The following LOXHD1 variants were observed in gnomAD, a reference collection of about 807,000 sequenced individuals.
The protein encoded by LOXHD1 is lipoxygenase homology PLAT domains 1.
Under a neutral mutation model 248.2 loss-of-function variants are expected in LOXHD1, and 205 were observed. That is an observed-to-expected ratio of 0.83 (90% confidence interval 0.74 to 0.93). LOXHD1 has a LOEUF of 0.93. LOXHD1 is among the 40% of genes least tolerant of loss of function. LOXHD1 has a pLI of 0.00. For missense variants in LOXHD1, 2,930 were observed against 2,971.6 expected, an observed-to-expected ratio of 0.99 and a Z score of 0.33; for synonymous variants, 1,113 against 1,162.8, an observed-to-expected ratio of 0.96 and a Z score of 0.87.
chr18:46,485,221 G>A (rs1401151526), intron 38 of LOXHD1, 70 bp from the exon 39 acceptor site: 3 of 1,511,550 alleles, frequency 2.0e-6, no homozygotes, highest in Non-Finnish European at 2.7e-6. Context: ...GGGAGCAAGA[G>A]GGTCACGGCC....
rs1287819211 is a variant in LOXHD1, at chr18:46,477,692, C to A, written c.6602G>T (p.Gly2201Val). 1.3e-6 allele frequency: 2 copies of A among 1,551,874 alleles called. No individual in the cohort carries two copies. Among genetic ancestry groups the A allele is most frequent in the Non-Finnish European group, 1.7e-6 (2 of 1,147,034 alleles). The change falls in exon 41 of 41, where the codon GGC (glycine) becomes GTC (valine). Residue 2201 changes from glycine (G) to valine (V), a missense_variant. Gly to Val is a moderately radical substitution (Grantham distance 109, BLOSUM62 -3). Coordinates refer to ENST00000642948, the MANE Select transcript of LOXHD1 (RefSeq NM_001384474.1). The part of the protein sequence containing the change: ...KQKMRNLFER[G>V]STDRFFLETL... ...CTCCAGGAAGAAGCGGTCTGTGCTG[C>A]CCCGCTCGAAGAGGTTGCGCATTTT...
chr18:46,614,458 C>G (rs1490091436), intron 5 of LOXHD1, among the ~76,000 whole-genome samples: 1 of 152,136 alleles, frequency 6.6e-6, no homozygotes, highest in Non-Finnish European at 1.5e-5. Flanking sequence ...TCTGAGCAAA[C>G]TATCGCAAGG....
At chr18:46,489,202 T>A in intron 37 of LOXHD1, 60 bp from the exon 38 acceptor site, 1 of 1,515,938 alleles carries the variant, frequency 6.6e-7, no homozygotes, top group South Asian at 1.2e-5. Flanking sequence ...CCTTTCAGAC[T>A]TCTACATCCC....
At chr18:46,581,941 A>G (rs759796416) in intron 12 of LOXHD1, among the ~76,000 whole-genome samples, 90 of 152,242 alleles carry the variant, frequency 5.9e-4, no homozygotes, top group Non-Finnish European at 1.9e-4. Context: ...TTAAATCCAC[A>G]AAAGCTACCT....
chr18:46,507,814 C>G (rs1262359990), intron 35 of LOXHD1, 102 bp from the exon 36 acceptor site: 1 of 1,278,388 alleles, frequency 7.8e-7, no homozygotes, highest in Admixed American at 2.4e-5. Flanking sequence ...CCCTGGAGAT[C>G]CCAGACCTGA....
At chr18:46,478,169 T>G (rs757933756) in intron 40 of LOXHD1, among the ~76,000 whole-genome samples, 4 of 152,184 alleles carry the variant, frequency 2.6e-5, no homozygotes, top group Non-Finnish European at 5.9e-5. Context: ...TGCTTCTTGA[T>G]TCTTCTACTT....
chr18:46,477,206 C>T (rs2032073405), downstream of LOXHD1: 2 of 724,160 alleles, frequency 2.8e-6, no homozygotes, highest in Admixed American at 4.0e-5. Context: ...GCAGCAAGTC[C>T]CAGCCTGGTC....
chr18:46,536,983 T>C (rs2036340975), intron 26 of LOXHD1, among the ~76,000 whole-genome samples: 1 of 152,212 alleles, frequency 6.6e-6, no homozygotes, highest in Non-Finnish European at 1.5e-5. Flanking sequence ...TTGCCATCTA[T>C]CCAAGTTACA....
intron 5 of LOXHD1, among the ~76,000 whole-genome samples, chr18:46,616,955 GTGTGT>G (rs1334971928): frequency 1.3e-5 from 2 of 152,238 alleles, no homozygotes; most frequent in Admixed American, 1.3e-4. Context: ...TAATCTTATT[GTGTGT>G]TGTGTTGATT....
intron 38 of LOXHD1, 33 bp downstream of exon 38, chr18:46,488,939 C>A (rs894999929): frequency 3.2e-6 from 5 of 1,540,108 alleles, no homozygotes; most frequent in Non-Finnish European, 4.4e-6. Context: ...CATTCCCTGC[C>A]TCCCTCCTGA....
At chr18:46,613,833 T>C (rs1176273328) in intron 5 of LOXHD1, among the ~76,000 whole-genome samples, 2 of 152,344 alleles carry the variant, frequency 1.3e-5, no homozygotes, top group Non-Finnish European at 1.5e-5. Flanking sequence ...ATTATACAAA[T>C]AGACTAATGT....
intron 34 of LOXHD1, 149 bp from the exon 35 acceptor site, chr18:46,509,964 C>T (rs938118345): frequency 1.4e-5 from 9 of 657,976 alleles, no homozygotes; most frequent in African/African-American, 5.3e-5. Flanking sequence ...TCCACCAGCC[C>T]ATCTCTTGCA....
chr18:46,538,327 G>A lies in LOXHD1; in HGVS notation c.3924C>T (p.Tyr1308=), dbSNP rs184966970. The A allele has an allele frequency of 1.1e-4, 174 of 1,548,538 alleles. No homozygotes were observed. In the African/African-American group the frequency reaches 1.4e-3, roughly 13 times the overall value. Residue 1308 remains tyrosine (Y), a synonymous_variant, in exon 26 of 41, where the codon TAC becomes TAT. Transcript: ENST00000642948. The part of the protein sequence containing the change: ...QTRLYTPFVP[Y]EITLYTSDVF... Reference sequence around the variant, plus strand: ...CATCACTGGTGTAGAGGGTGATCTCGTAAGGAACAACTGAGGGTGGTGGTC... The same window carrying A: ...CATCACTGGTGTAGAGGGTGATCTCATAAGGAACAACTGAGGGTGGTGGTC...
Position 46,642,056 on chromosome 18 carries a change from T to C in LOXHD1, c.246-20A>G. 1 of 1,550,756 alleles carries C rather than the reference T, an allele frequency of 6.4e-7. No individual in the cohort carries two copies. Among genetic ancestry groups the C allele is most frequent in the South Asian group, 1.2e-5 (1 of 84,026 alleles). On this transcript the variant is annotated intron_variant, in intron 2 of 40. Coordinates refer to ENST00000642948, the MANE Select transcript of LOXHD1 (RefSeq NM_001384474.1). ...TTGCTCCTGCAATGAACACGTGCAGTTAGTGCAGATCAGCTGTTGGCTCAC... is the reference window on the plus strand; with the variant it reads ...TTGCTCCTGCAATGAACACGTGCAGCTAGTGCAGATCAGCTGTTGGCTCAC...
intron 26 of LOXHD1, among the ~76,000 whole-genome samples, chr18:46,535,581 TTTG>T (rs59194307): frequency 1.2e-4 from 16 of 128,916 alleles, no homozygotes; most frequent in East Asian, 9.9e-4. Context: ...TGCCTCTGTT[TTTG>T]TTGTTGTTGT....
intron 27 of LOXHD1, among the ~76,000 whole-genome samples, chr18:46,534,119 C>T (rs1484538661): frequency 6.6e-6 from 1 of 152,094 alleles, no homozygotes; most frequent in Non-Finnish European, 1.5e-5. Context: ...GAAACATGCC[C>T]AGACCCTCCT....
At chr18:46,589,984 A>G (rs1229776176) in intron 12 of LOXHD1, among the ~76,000 whole-genome samples, 5 of 152,226 alleles carry the variant, frequency 3.3e-5, no homozygotes, top group Admixed American at 6.5e-5. Flanking sequence ...ATGGCAATCT[A>G]CAGGTTGCTT....
chr18:46,593,776 A>G lies in LOXHD1; in HGVS notation c.1271-16T>C, dbSNP rs928928213. 2 of 1,551,196 alleles carry G rather than the reference A, an allele frequency of 1.3e-6. No homozygotes were observed. Among genetic ancestry groups the G allele is most frequent in the African/African-American group, 2.7e-5 (2 of 72,996 alleles). On this transcript the variant is annotated splice_polypyrimidine_tract_variant and intron_variant, in intron 9 of 40. Transcript: ENST00000642948. ...CAAGGGAATTCTGTAAGACAGATCA[A>G]GTTGCACCATAAACTTCAGGAAGTG...
intron 37 of LOXHD1, among the ~76,000 whole-genome samples, chr18:46,502,267 A>G (rs1351367009): frequency 6.6e-6 from 1 of 152,170 alleles, no homozygotes; most frequent in Non-Finnish European, 1.5e-5. Context: ...AGGGTACAGT[A>G]TGGAGGCAGG....
Sources: allele counts gnomAD v4.1 joint callset (sites outside exome capture counted in the v4.1 genomes callset), GRCh38; gene constraint gnomAD v4.1.1; transcripts MANE v1.5; gene names NCBI Gene and HGNC (gene_info 2026-07-23, HGNC 2026-07-21).